Variants in NCBP2 observed in about 807,000 individuals in gnomAD.
The protein encoded by NCBP2 is nuclear cap binding protein subunit 2.
A neutral mutation model predicts 21.5 loss-of-function variants in NCBP2; 8 were observed. The ratio of observed to expected loss-of-function variants is 0.37; its 90% CI spans 0.22 to 0.67. The LOEUF is 0.67. NCBP2 is among the 30% of genes least tolerant of loss of function. The pLI is 0.56. For missense variants in NCBP2, 127 were observed against 206.9 expected (o/e 0.61, Z 2.37); for synonymous variants, 92 against 75.8 (o/e 1.21, Z -1.11).
chr3:196,937,810 G>A, intron 2 of NCBP2, 162 bp from the exon 3 acceptor site: 1 of 718,462 alleles, frequency 1.4e-6, no homozygotes, highest in South Asian at 1.7e-5. Context: ...GATTGGTTTG[G>A]AAGCACATAG....
chr3:196,941,027 G>A (rs1284540368), intron 1 of NCBP2: 1 of 152,230 alleles, frequency 6.6e-6, no homozygotes, highest in Admixed American at 6.5e-5. Flanking sequence ...CGTGAGCCGT[G>A]ATTGCGCCAC....
rs985357171 is a variant in NCBP2 at position 196,936,262 on chromosome 3, A to G, written c.*749T>C. 6.6e-6 allele frequency: 1 copy of G among 152,298 alleles called. No individual in the cohort carries two copies. The allele number at this position is 152,298 out of a possible 1,614,324, so 9.4% of individuals were successfully genotyped here. On this transcript the variant is annotated 3_prime_UTR_variant, in exon 4 of 4. Transcript: ENST00000321256. ...AAGTTCTGGCCTCATTTCCTGATGT[A>G]TGAAGCATGGAAGCAGTGCTGTCCT...
At chr3:196,941,731 A>G (rs2108884151) in intron 1 of NCBP2, 2 of 626,230 alleles carry the variant, frequency 3.2e-6, no homozygotes, top group South Asian at 2.0e-5. Flanking sequence ...TGAAAAGTCT[A>G]CTTTGAATAT....
Position 196,936,891 on chromosome 3 carries a change from C to A in NCBP2, c.*120G>T. 1 of 872,864 alleles carries A rather than the reference C, an allele frequency of 1.1e-6. No individual in the cohort carries two copies. Among genetic ancestry groups the A allele is most frequent in the Non-Finnish European group, 1.9e-6 (1 of 524,994 alleles). The allele number at this position is 872,864 out of a possible 1,614,324, so 54.1% of individuals were successfully genotyped here. A position where few individuals can be genotyped will look rare whatever the true frequency, so the allele number is the denominator to read the frequency against. On this transcript the variant is annotated 3_prime_UTR_variant, in exon 4 of 4. Coordinates refer to ENST00000321256, the MANE Select transcript of NCBP2 (RefSeq NM_007362.5). ...TTTAATAACTTTCAGAGGCTTCCAG[C>A]TCAGTAAAGACACTGATCAAATCTT...
At chr3:196,941,404 C>G (rs471072) in intron 1 of NCBP2, 114,895 of 154,766 alleles carry the variant, frequency 0.74, 44,141 homozygotes, top group East Asian at 0.94. Context: ...CTAAATAAAT[C>G]TAAGAGCTTC....
rs565262078 is a variant in NCBP2, at chr3:196,939,728, C to T, written c.79-296G>A. On this transcript the variant is annotated intron_variant, in intron 1 of 3. Transcript: ENST00000321256. ...CTTTTCCCTGCACACACCATATCCT[C>T]AGCAGTGCATCCTTTAAACCCAAGT... 1.6e-5 allele frequency: 5 copies of T among 307,648 alleles called. No homozygotes were observed. In the East Asian group the frequency reaches 2.7e-4, roughly 17 times the overall value. The allele number at this position is 307,648 out of a possible 1,614,324, so 19.1% of individuals were successfully genotyped here. A position where few individuals can be genotyped will look rare whatever the true frequency, so the allele number is the denominator to read the frequency against.
rs1341521042 is a variant in NCBP2, at chr3:196,942,488, G to A, written c.16C>T (p.Leu6=). MSGGL[L]KALRSDSYVE... ...TAGGAGTCGCTGCGCAGCGCCTTCA[G>A]GAGGCCACCCGACATAGTGCAGAGA... The change falls in exon 1 of 4, where the codon CTG becomes TTG. Residue 6 remains leucine (L), a synonymous_variant. Coordinates refer to ENST00000321256, the MANE Select transcript of NCBP2 (RefSeq NM_007362.5). The A allele has an allele frequency of 2.5e-6, 4 of 1,613,222 alleles. No individual in the cohort carries two copies. Among genetic ancestry groups the A allele is most frequent in the East Asian group, 2.2e-5 (1 of 44,852 alleles).
At chr3:196,937,275 ACCTAGC>A (rs1304896571) in intron 3 of NCBP2, 193 bp from the exon 4 acceptor site, 4 of 760,498 alleles carry the variant, frequency 5.3e-6, no homozygotes, top group Non-Finnish European at 6.4e-6. Flanking sequence ...GGTGGAAGAT[ACCTAGC>A]CCTAGCAGAA....
rs1716248008 is a variant in NCBP2 at position 196,936,066 on chromosome 3, C to T, written c.*945G>A. ...TGAAAAGAATAAACTTGCTGGTCCT[C>T]ATGTCAAGGCAGTGTTTTCATTGTC... On this transcript the variant is annotated 3_prime_UTR_variant, in exon 4 of 4. Coordinates refer to ENST00000321256, the MANE Select transcript of NCBP2 (RefSeq NM_007362.5). 6.6e-6 allele frequency: 1 copy of T among 152,220 alleles called. No individual in the cohort carries two copies. The highest frequency in any genetic ancestry group is 2.1e-4 in the South Asian group (1 of 4,834). The allele number at this position is 152,220 out of a possible 1,614,324, so 9.4% of individuals were successfully genotyped here.
rs760696628 is a variant in NCBP2 at position 196,939,389 on chromosome 3, G to A, written c.122C>T (p.Thr41Met). ...EQEKLLKKSC[T>M]LYVGNLSFYT... ...AAAAGAAAGATTTCCAACATATAAC[G>A]TACAGCTTTTCTTCAGTAATTTTTC... Residue 41 changes from threonine to methionine, a missense_variant, in exon 2 of 4, where the codon ACG becomes ATG. Thr to Met is a moderately conservative substitution (Grantham distance 81). Coordinates refer to ENST00000321256, the MANE Select transcript of NCBP2 (RefSeq NM_007362.5). 6.2e-6 allele frequency: 10 copies of A among 1,611,526 alleles called. No homozygotes were observed. Among genetic ancestry groups the A allele is most frequent in the African/African-American group, 1.3e-5 (1 of 74,738 alleles).
intron 2 of NCBP2, chr3:196,937,906 A>G (rs1269638007): frequency 6.4e-6 from 3 of 469,314 alleles, no homozygotes; most frequent in African/African-American, 5.9e-5. Flanking sequence ...TCATCTCTGT[A>G]TTTTGGTTTG....
Position 196,939,326 on chromosome 3 carries a change from T to C in NCBP2, c.185A>G (p.Lys62Arg). 6.2e-7 allele frequency: 1 copy of C among 1,613,536 alleles called. No individual in the cohort carries two copies. Among genetic ancestry groups the C allele is most frequent in the Non-Finnish European group, 8.5e-7 (1 of 1,179,426 alleles). Residue 62 changes from lysine (K) to arginine (R), a missense_variant, in exon 2 of 4, where the codon AAA becomes AGA. Transcript: ENST00000321256. ...AATGATTTTCTTTATGTCACCACTT[T>C]TGCTGAAGAGTTCATAGATTTGTTC... ...TEEQIYELFS[K>R]SGDIKKIIMG... is the part of the protein sequence containing the mutation.
rs1039826790 is a variant in NCBP2 at position 196,937,182 on chromosome 3, G to T, written c.400-100C>A. On this transcript the variant is annotated intron_variant, in intron 3 of 3. Transcript: ENST00000321256. ...GACAAACAGTGAAACCTGTTCAGAT[G>T]CCACAATGTGAACATTTCAAGCAGG... 4 of 1,133,096 alleles carry T rather than the reference G, an allele frequency of 3.5e-6. No homozygotes were observed. The African/African-American group carries it at 4.6e-5, about 13-fold the overall frequency. The allele number at this position is 1,133,096 out of a possible 1,614,324, so 70.2% of individuals were successfully genotyped here.
chr3:196,941,722 G>T (rs955901966), intron 1 of NCBP2: 15 of 598,842 alleles, frequency 2.5e-5, no homozygotes, highest in Non-Finnish European at 4.1e-5. Context: ...CGCTGATACT[G>T]AAAAGTCTAC....
chr3:196,940,677 G>T (rs1205775721), intron 1 of NCBP2, among the ~76,000 whole-genome samples: 1 of 152,188 alleles, frequency 6.6e-6, no homozygotes, highest in Non-Finnish European at 1.5e-5. Flanking sequence ...AAAGCTACAG[G>T]TTTAGACTGA....
chr3:196,939,005 AAT>A (rs141622578), intron 2 of NCBP2: 73,378 of 349,048 alleles, frequency 0.21, 5,747 homozygotes, highest in Admixed American at 0.28. Context: ...CATTCTTTGG[AAT>A]TTTTTTTTTT....
rs763656308 is a variant in NCBP2, at chr3:196,942,511, A to C, written c.-8T>G. 1 of 1,611,242 alleles carries C rather than the reference A, an allele frequency of 6.2e-7. No homozygotes were observed. The highest frequency in any genetic ancestry group is 1.1e-5 in the South Asian group (1 of 90,832). ...CAGGAGGCCACCCGACATAGTGCAGAGAAGCGGACCACAATGCGGCGACTC... is the reference window on the plus strand; with the variant it reads ...CAGGAGGCCACCCGACATAGTGCAGCGAAGCGGACCACAATGCGGCGACTC... On this transcript the variant is annotated 5_prime_UTR_variant, in exon 1 of 4. Transcript: ENST00000321256.
At position 196,937,058 on chromosome 3, in the gene NCBP2, A is replaced by T; in HGVS notation, c.424T>A (p.Tyr142Asn). 6.2e-7 allele frequency: 1 copy of T among 1,614,152 alleles called. No homozygotes were observed. The highest frequency in any genetic ancestry group is 8.5e-7 in the Non-Finnish European group (1 of 1,180,034). The change falls in exon 4 of 4, where the codon TAC becomes AAC. Residue 142 changes from tyrosine to asparagine, a missense_variant. By Grantham distance (143) the Tyr-to-Asn change is moderately radical. Transcript: ENST00000321256. ...GQVRDEYRQD[Y>N]DAGRGGYGKL... ...CCATAGCCTCCTCTCCCAGCATCGT[A>T]GTCCTGCCGATACTCATCCCGAACC...
chr3:196,935,753 A>C lies in NCBP2; in HGVS notation c.*1258T>G, dbSNP rs1237086365. ...GTGAAAAAAATGCACATTTTTTCATATCAGGGAAAATTATACTGGACTTAA... is the reference window on the plus strand; with the variant it reads ...GTGAAAAAAATGCACATTTTTTCATCTCAGGGAAAATTATACTGGACTTAA... On this transcript the variant is annotated 3_prime_UTR_variant, in exon 4 of 4. Transcript: ENST00000321256. 4 of 152,214 alleles carry C rather than the reference A, an allele frequency of 2.6e-5. No homozygotes were observed. The highest frequency in any genetic ancestry group is 5.9e-5 in the Non-Finnish European group (4 of 68,046). The allele number at this position is 152,214 out of a possible 1,614,324, so 9.4% of individuals were successfully genotyped here.
Sources: gnomAD v4.1 joint callset for allele counts (sites outside exome capture counted in the v4.1 genomes callset) on GRCh38, gnomAD v4.1.1 for gene constraint, MANE v1.5 for transcripts, NCBI Gene and HGNC (gene_info 2026-07-23, HGNC 2026-07-21) for gene names.